RBFOX1: variants seen among roughly 807,000 people sequenced by gnomAD.
The protein encoded by RBFOX1 is RNA binding protein fox-1 homolog 1.
A neutral mutation model predicts 57.7 loss-of-function variants in RBFOX1; 8 were observed. That is an observed-to-expected ratio of 0.14 (90% confidence interval 0.08 to 0.25). The LOEUF is 0.25. Ranked by LOEUF, RBFOX1 falls within the 10% of genes least tolerant of loss-of-function variation. The probability of loss-of-function intolerance (pLI) is 1.00; values close to 1 mark genes in which losing one functional copy is unlikely to be tolerated. For synonymous variants in RBFOX1, 326 were observed against 222.4 expected (o/e 1.47, Z -4.15); for missense variants, 611 against 548.5 (o/e 1.11, Z -1.14).
intron 3 of RBFOX1, among the ~76,000 whole-genome samples, chr16:5,814,058 C>T (rs955191684): frequency 2.0e-5 from 3 of 152,166 alleles, no homozygotes; most frequent in Admixed American, 2.0e-4. Flanking sequence ...GTTATTATTA[C>T]TAATGTCAGT....
chr16:5,586,523 G>C (rs2046833203), intron 2 of RBFOX1, among the ~76,000 whole-genome samples: 3 of 152,168 alleles, frequency 2.0e-5, no homozygotes, highest in African/African-American at 4.8e-5. Flanking sequence ...GTTCAAGACA[G>C]GTTTCACTCT....
chr16:5,333,318 C>T (rs985996143), intron 1 of RBFOX1, among the ~76,000 whole-genome samples: 1 of 152,230 alleles, frequency 6.6e-6, no homozygotes, highest in East Asian at 1.9e-4. Flanking sequence ...TTTATTGGAA[C>T]ATGGTCACGC....
intron 4 of RBFOX1, among the ~76,000 whole-genome samples, chr16:7,066,153 C>T (rs1269573401): frequency 2.0e-5 from 3 of 152,174 alleles, no homozygotes; most frequent in Admixed American, 6.5e-5. Flanking sequence ...AAGCAATGCA[C>T]ATATTAGTCC....
rs565282529 is a variant in RBFOX1, at chr16:5,393,282, C to A, written c.220-73934C>A. Among the ~76,000 whole-genome samples the A allele has an allele frequency of 3.9e-5, 6 of 152,292 alleles. No homozygotes were observed. In the South Asian group the frequency reaches 1.2e-3, roughly 32 times the overall value. On this transcript the variant is annotated intron_variant, in intron 1 of 2. Transcript: ENST00000585867. ...CTTAGGAGCTCCACAATTAGTCATT[C>A]ATCACATGGATGATTGGGGGTTGGA... is the stretch of plus-strand genomic sequence containing the variant.
chr16:6,052,661 G>A (rs1481198712), intron 1 of RBFOX1, among the ~76,000 whole-genome samples: 8 of 151,952 alleles, frequency 5.3e-5, no homozygotes, highest in Non-Finnish European at 8.8e-5. Context: ...GCGGGCGCCT[G>A]TAGTCCCAGC....
intron 4 of RBFOX1, among the ~76,000 whole-genome samples, chr16:5,970,784 C>A (rs1007126395): frequency 6.6e-6 from 1 of 152,146 alleles, no homozygotes; most frequent in Non-Finnish European, 1.5e-5. Flanking sequence ...GACTATATGG[C>A]CATGTTTTCA....
At chr16:6,916,901 G>T (rs1157512788) in intron 3 of RBFOX1, among the ~76,000 whole-genome samples, 1 of 152,100 alleles carries the variant, frequency 6.6e-6, no homozygotes, top group Non-Finnish European at 1.5e-5. Context: ...CCAGGCTAGA[G>T]TGCAGTGACA....
At chr16:5,531,476 A>G (rs1205077568) in intron 2 of RBFOX1, among the ~76,000 whole-genome samples, 1 of 152,184 alleles carries the variant, frequency 6.6e-6, no homozygotes, top group Non-Finnish European at 1.5e-5. Flanking sequence ...TTCACTCTTT[A>G]TTTGTTAAGT....
At chr16:6,275,100 G>A (rs553732463) in intron 1 of RBFOX1, among the ~76,000 whole-genome samples, 5 of 152,302 alleles carry the variant, frequency 3.3e-5, no homozygotes, top group Admixed American at 3.3e-4. Context: ...GTAAGTGTGT[G>A]TACATACCTA....
intron 1 of RBFOX1, among the ~76,000 whole-genome samples, chr16:6,295,073 T>G (rs1422286895): frequency 1.4e-5 from 2 of 145,280 alleles, no homozygotes; most frequent in Non-Finnish European, 1.6e-5. Context: ...CAAGTCCATT[T>G]CTGGCAAAGA....
intron 5 of RBFOX1, among the ~76,000 whole-genome samples, chr16:7,551,345 G>A (rs999479787): frequency 6.6e-6 from 1 of 152,150 alleles, no homozygotes; most frequent in African/African-American, 2.4e-5. Flanking sequence ...CCACAGAGGG[G>A]AAGCAGATGA....
chr16:5,595,589 T>G (rs1006235852), intron 2 of RBFOX1, among the ~76,000 whole-genome samples: 8 of 152,210 alleles, frequency 5.3e-5, no homozygotes, highest in African/African-American at 1.9e-4. Context: ...AATTTTCATC[T>G]GAATGGATCA....
At chr16:7,652,192 A>T (rs2065211419) in intron 11 of RBFOX1, among the ~76,000 whole-genome samples, 1 of 152,162 alleles carries the variant, frequency 6.6e-6, no homozygotes, top group Non-Finnish European at 1.5e-5. Flanking sequence ...AGAGAAGCCA[A>T]CTGAACTTAA....
intron 3 of RBFOX1, among the ~76,000 whole-genome samples, chr16:6,980,412 A>G (rs1274861044): frequency 5.3e-5 from 8 of 152,012 alleles, no homozygotes; most frequent in Non-Finnish European, 2.9e-5. Context: ...TTTACTTGCC[A>G]TTTTCAAACA....
rs117593375 is a variant in RBFOX1, at chr16:7,316,885, A to G, written c.28-201262A>G. Among the ~76,000 whole-genome samples, 849 of 152,034 alleles carry G rather than the reference A, an allele frequency of 5.6e-3. 13 individuals carry two copies. Among genetic ancestry groups the G allele is most frequent in the Non-Finnish European group, 3.6e-3 (245 of 67,996 alleles). Reference sequence around the variant, plus strand: ...CAGTGAGAGAGGGGTAAAGAGACACATAAGGGCCAGAGACGACTGGAGTTT... The same window carrying G: ...CAGTGAGAGAGGGGTAAAGAGACACGTAAGGGCCAGAGACGACTGGAGTTT... On this transcript the variant is annotated intron_variant, in intron 4 of 15. Coordinates refer to ENST00000550418, the MANE Select transcript of RBFOX1 (RefSeq NM_018723.4).
At chr16:6,582,695 C>T (rs1401795173) in intron 2 of RBFOX1, among the ~76,000 whole-genome samples, 1 of 151,584 alleles carries the variant, frequency 6.6e-6, no homozygotes, top group Admixed American at 6.6e-5. Context: ...TCTCTCTTCT[C>T]ACTTCTTCAT....
chr16:6,563,677 C>T (rs2097215012), intron 2 of RBFOX1, among the ~76,000 whole-genome samples: 1 of 151,990 alleles, frequency 6.6e-6, no homozygotes, highest in Non-Finnish European at 1.5e-5. Context: ...AAGCTCATCT[C>T]TACAAAAATA....
At chr16:7,697,584 G>A (rs577961761) in intron 14 of RBFOX1, among the ~76,000 whole-genome samples, 64 of 152,224 alleles carry the variant, frequency 4.2e-4, no homozygotes, top group African/African-American at 1.4e-3. Flanking sequence ...ATGTATCACA[G>A]TAGTTCAACG....
intron 2 of RBFOX1, among the ~76,000 whole-genome samples, chr16:6,580,324 G>T (rs2097518880): frequency 6.6e-6 from 1 of 152,072 alleles, no homozygotes; most frequent in South Asian, 2.1e-4. Context: ...ATTCACCTCA[G>T]TTTGCTGATA....
Sources: allele counts gnomAD v4.1 joint callset (sites outside exome capture counted in the v4.1 genomes callset), GRCh38; gene constraint gnomAD v4.1.1; transcripts MANE v1.5; gene names NCBI Gene and HGNC (gene_info 2026-07-23, HGNC 2026-07-21).